NLRP1: variants seen among roughly 807,000 people sequenced by gnomAD.
The protein encoded by NLRP1 is NACHT, LRR and PYD domains-containing protein 1.
In NLRP1, 94 loss-of-function variants were observed where a neutral mutation model predicts 136.7. The observed-to-expected ratio is 0.69, with a 90% CI of 0.58 to 0.82. The LOEUF (loss-of-function observed/expected upper bound fraction) is 0.82, where lower values mean the gene tolerates loss of function less well. Among genes scored for constraint, NLRP1 ranks in the 40% least tolerant of loss-of-function variants. The probability of loss-of-function intolerance (pLI) is 0.00; values close to 1 mark genes in which losing one functional copy is unlikely to be tolerated. For synonymous variants in NLRP1, 690 were observed against 725.1 expected (o/e 0.95, Z 0.78); for missense variants, 1,575 against 1,802.7 (o/e 0.87, Z 2.29).
chr17:5,546,509 C>T (rs1912678452), intron 5 of NLRP1, among the ~76,000 whole-genome samples: 1 of 152,162 alleles, frequency 6.6e-6, no homozygotes, highest in South Asian at 2.1e-4. Flanking sequence ...TTTGAGCTCT[C>T]CAACCCCACT....
At chr17:5,521,876 G>C (rs777002208) in intron 12 of NLRP1, 90 bp from the exon 13 acceptor site, 7 of 1,300,780 alleles carry the variant, frequency 5.4e-6, no homozygotes, top group Middle Eastern at 2.7e-4. Flanking sequence ...CCAGGCTGGA[G>C]TGCAATGGTA....
intron 11 of NLRP1, 46 bp from the exon 12 acceptor site, chr17:5,530,750 G>T: frequency 6.7e-7 from 1 of 1,484,450 alleles, no homozygotes; most frequent in South Asian, 1.1e-5. Flanking sequence ...CGAACTCACT[G>T]AGCACCTGCT....
At chr17:5,558,248 C>A (rs1914316884) in intron 4 of NLRP1, 91 bp downstream of exon 4, 8 of 1,418,454 alleles carry the variant, frequency 5.6e-6, no homozygotes, top group Non-Finnish European at 7.7e-6. Context: ...CCACCCCCGG[C>A]CAGGCTCAGT....
chr17:5,511,450 A>AAAAAAAG (rs1286439616), downstream of NLRP1, among the ~76,000 whole-genome samples: 21 of 151,628 alleles, frequency 1.4e-4, no homozygotes, highest in Non-Finnish European at 2.1e-4. Flanking sequence ...AAAAAAAAAA[A>AAAAAAAG]AGAGAATCTG....
intron 10 of NLRP1, 94 bp downstream of exon 10, chr17:5,533,210 A>G: frequency 6.5e-7 from 1 of 1,536,848 alleles, no homozygotes; most frequent in Non-Finnish European, 8.8e-7. Context: ...CCCCACTGGA[A>G]TAGAAGTGCC....
chr17:5,539,732 C>T (rs1278654773), intron 6 of NLRP1, 147 bp from the exon 7 acceptor site: 13 of 1,370,946 alleles, frequency 9.5e-6, no homozygotes, highest in East Asian at 2.7e-5. Flanking sequence ...TCCTGGCTTG[C>T]GGTAACCTGA....
intron 3 of NLRP1, 87 bp downstream of exon 3, chr17:5,581,772 C>T: frequency 8.9e-7 from 1 of 1,126,598 alleles, no homozygotes; most frequent in Middle Eastern, 2.9e-4. Context: ...TCTGCTTAGC[C>T]TGCCAACCTG....
rs1914530209 is a variant in NLRP1, at chr17:5,559,873, T to A, written c.823A>T (p.Asn275Tyr). 6.2e-7 allele frequency: 1 copy of A among 1,614,092 alleles called. No homozygotes were observed. The highest frequency in any genetic ancestry group is 1.1e-5 in the South Asian group (1 of 91,090). Residue 275 changes from asparagine to tyrosine, a missense_variant, in exon 4 of 17, where the codon AAC becomes TAC. Asn to Tyr is a moderately radical substitution (Grantham distance 143). Transcript: ENST00000572272. ...AGTAGCAGCTGTGTGAATTTTTGGT[T>A]AAAATCCTCATTTTTCCAGGGCCAT... ...STWPWKNEDF[N>Y]QKFTQLLLLQ... is the part of the protein sequence containing the mutation.
intron 1 of NLRP1, 109 bp from the exon 2 acceptor site, chr17:5,582,955 G>A (rs1905862844): frequency 1.2e-5 from 10 of 816,766 alleles, no homozygotes; most frequent in Non-Finnish European, 1.7e-5. Context: ...GGATACACCA[G>A]TGAACCCGCT....
At chr17:5,560,206 G>A (rs549175568) in intron 3 of NLRP1, among the ~76,000 whole-genome samples, 163 bp from the exon 4 acceptor site, 1 of 152,232 alleles carries the variant, frequency 6.6e-6, no homozygotes, top group Non-Finnish European at 1.5e-5. Context: ...CTTTGGGGTA[G>A]AATATCCCAG....
At position 5,559,641 on chromosome 17, in the gene NLRP1, C is replaced by T. The variant is rs781185876; in HGVS notation, c.1055G>A (p.Gly352Glu). ...TLARQVKEAWGRGQLYGDRFQ... is the reference protein window; with the variant it reads ...TLARQVKEAWERGQLYGDRFQ... Reference sequence around the variant, plus strand: ...GCGGTCCCCATACAGCTGGCCTCTCCCCCAGGCTTCCTTCACCTGCCTGGC... The same window carrying T: ...GCGGTCCCCATACAGCTGGCCTCTCTCCCAGGCTTCCTTCACCTGCCTGGC... The change falls in exon 4 of 17, where the codon GGG becomes GAG. Residue 352 changes from glycine to glutamate, a missense_variant. Coordinates refer to ENST00000572272, the MANE Select transcript of NLRP1 (RefSeq NM_033004.4). The T allele has an allele frequency of 7.4e-6, 12 of 1,614,126 alleles. No individual in the cohort carries two copies. The Admixed American group carries it at 2.0e-4, about 27-fold the overall frequency.
In NLRP1 at chr17:5,514,976, C is replaced by T; in HGVS notation, c.4200G>A (p.Leu1400=). The T allele has an allele frequency of 6.2e-7, 1 of 1,614,158 alleles. No homozygotes were observed. Among genetic ancestry groups the T allele is most frequent in the African/African-American group, 1.3e-5 (1 of 75,032 alleles). Reference sequence around the variant, plus strand: ...TCAGCACCTGTCCATGCAGTTTGTCCAAGACAACCTCCACCGATGTCACTC... The same window carrying T: ...TCAGCACCTGTCCATGCAGTTTGTCTAAGACAACCTCCACCGATGTCACTC... ...IARVTSVEVV[L]DKLHGQVLSQ... Residue 1400 remains leucine, a synonymous_variant, in exon 17 of 17, where the codon TTG becomes TTA. Coordinates refer to ENST00000572272, the MANE Select transcript of NLRP1 (RefSeq NM_033004.4).
rs1477583359 is a variant in NLRP1, at chr17:5,559,719, T to C, written c.977A>G (p.Glu326Gly). ...DLFGPGLDTQ[E>G]PRIVILQGAA... ...CCCCTGCAGTATGACTATGCGAGGT[T>C]CTTGGGTATCCAGGCCTGGGCCAAA... The change falls in exon 4 of 17, where the codon GAA (glutamate) becomes GGA (glycine). Residue 326 changes from glutamate (E) to glycine (G), a missense_variant. Physicochemically the swap from Glu to Gly is moderately conservative, Grantham distance 98. Coordinates refer to ENST00000572272, the MANE Select transcript of NLRP1 (RefSeq NM_033004.4). 2 of 1,614,244 alleles carry C rather than the reference T, an allele frequency of 1.2e-6. No individual in the cohort carries two copies. Among genetic ancestry groups the C allele is most frequent in the Middle Eastern group, 3.3e-4 (2 of 6,062 alleles).
At chr17:5,508,574 G>T (rs969372922) in intron 15 of NLRP1, among the ~76,000 whole-genome samples, 1 of 152,194 alleles carries the variant, frequency 6.6e-6, no homozygotes, top group Non-Finnish European at 1.5e-5. Context: ...AGAAAGACGT[G>T]TATTGCAGTA....
chr17:5,561,219 C>A (rs1476753503), intron 3 of NLRP1, among the ~76,000 whole-genome samples: 1 of 152,044 alleles, frequency 6.6e-6, no homozygotes, highest in African/African-American at 2.4e-5. Flanking sequence ...ATCACGCCAG[C>A]TAATTTTTGT....
chr17:5,543,759 A>G (rs1479938151), intron 5 of NLRP1, among the ~76,000 whole-genome samples: 1 of 152,054 alleles, frequency 6.6e-6, no homozygotes, highest in Non-Finnish European at 1.5e-5. Flanking sequence ...CAACTGTCAG[A>G]GCAGCGACTT....
chr17:5,511,438 C>CAA (rs1363570277), downstream of NLRP1, among the ~76,000 whole-genome samples: 2 of 56,720 alleles, frequency 3.5e-5, 1 homozygote, highest in Non-Finnish European at 6.7e-5. Flanking sequence ...GAGCCTCCGT[C>CAA]TAAAAAAAAA....
At chr17:5,536,427 G>A (rs1377201272) in intron 8 of NLRP1, among the ~76,000 whole-genome samples, 1 of 145,962 alleles carries the variant, frequency 6.9e-6, no homozygotes, top group Non-Finnish European at 1.5e-5. Context: ...GATTACAGGC[G>A]TGAGCCACCA....
rs1183189870 is a variant in NLRP1, at chr17:5,514,138, TC to T, written c.*615del. The stretch of plus-strand genomic sequence containing the variant: ...GCCTATGGAGTAGGTAACTTCTTAT[TC>T]CTTTATTTTCATTTTTTCTTTTTTG... On this transcript the variant is annotated 3_prime_UTR_variant, in exon 17 of 17. Coordinates refer to ENST00000572272, the MANE Select transcript of NLRP1 (RefSeq NM_033004.4). 1 of 152,696 alleles carries T rather than the reference TC, an allele frequency of 6.5e-6. No homozygotes were observed. Among genetic ancestry groups the T allele is most frequent in the Non-Finnish European group, 1.5e-5 (1 of 68,472 alleles). The allele number at this position is 152,696 out of a possible 1,614,324, so 9.5% of individuals were successfully genotyped here. A position where few individuals can be genotyped will look rare whatever the true frequency, so the allele number is the denominator to read the frequency against.
Sources: gnomAD v4.1 joint callset for allele counts (sites outside exome capture counted in the v4.1 genomes callset) on GRCh38, gnomAD v4.1.1 for gene constraint, MANE v1.5 for transcripts, NCBI Gene and HGNC (gene_info 2026-07-23, HGNC 2026-07-21) for gene names.